Variants in CAMTA1 observed in about 807,000 individuals in gnomAD.
CAMTA1 encodes the protein calmodulin-binding transcription activator 1.
In CAMTA1, 27 loss-of-function variants were observed where a neutral mutation model predicts 170.9. That is an observed-to-expected ratio of 0.16 (90% CI 0.12 to 0.22). The LOEUF is 0.22. Among genes scored for constraint, CAMTA1 ranks in the 10% least tolerant of loss-of-function variants. CAMTA1 has a pLI of 1.00. For synonymous variants in CAMTA1, 833 were observed against 891.5 expected (o/e 0.93, Z 1.17); for missense variants, 1,619 against 2,217.2 (o/e 0.73, Z 5.42).
At chr1:7,232,003 G>C (rs1165345268) in intron 4 of CAMTA1, among the ~76,000 whole-genome samples, 1 of 152,242 alleles carries the variant, frequency 6.6e-6, no homozygotes, top group Non-Finnish European at 1.5e-5. Context: ...CATGTTGGGG[G>C]TGCATGCGAT....
intron 3 of CAMTA1, among the ~76,000 whole-genome samples, chr1:7,058,941 G>A (rs1365538094): frequency 6.6e-6 from 1 of 152,056 alleles, no homozygotes; most frequent in Non-Finnish European, 1.5e-5. Context: ...GGCCATTTCT[G>A]TGGCTCTGTA....
chr1:7,343,659 A>G (rs1002154371), intron 5 of CAMTA1, among the ~76,000 whole-genome samples: 3 of 152,082 alleles, frequency 2.0e-5, no homozygotes, highest in African/African-American at 7.2e-5. Flanking sequence ...CCACCTCCCA[A>G]AGGTCATCAC....
At chr1:7,276,303 A>ATATATATATATATATATTT in intron 5 of CAMTA1, among the ~76,000 whole-genome samples, 3 of 24,228 alleles carry the variant, frequency 1.2e-4, no homozygotes, top group Non-Finnish European at 1.8e-4. Context: ...ATATATATAT[A>ATATATATATATATATATTT]TTTTTTTTTT....
intron 3 of CAMTA1, among the ~76,000 whole-genome samples, chr1:6,899,593 C>G (rs1423583056): frequency 1.3e-5 from 2 of 148,188 alleles, no homozygotes; most frequent in Admixed American, 1.3e-4. Flanking sequence ...CACACACACA[C>G]AGAGTTTCAC....
intron 11 of CAMTA1, among the ~76,000 whole-genome samples, chr1:7,697,577 T>C: frequency 6.6e-6 from 1 of 152,190 alleles, no homozygotes; most frequent in East Asian, 1.9e-4. Flanking sequence ...AGCTGTGTAT[T>C]TTAACATCCA....
At chr1:7,636,132 T>C (rs556666181) in intron 6 of CAMTA1, among the ~76,000 whole-genome samples, 1 of 152,312 alleles carries the variant, frequency 6.6e-6, no homozygotes, top group African/African-American at 2.4e-5. Flanking sequence ...AGGCCCAGCA[T>C]GGAGGCTCCC....
intron 5 of CAMTA1, among the ~76,000 whole-genome samples, chr1:7,415,893 G>A (rs2091130906): frequency 1.3e-5 from 2 of 152,306 alleles, no homozygotes; most frequent in African/African-American, 4.8e-5. Flanking sequence ...TGCAGTGGCT[G>A]GTACTGGTTG....
chr1:7,420,440 G>A (rs1361351942), intron 5 of CAMTA1, among the ~76,000 whole-genome samples: 2 of 152,120 alleles, frequency 1.3e-5, no homozygotes, highest in African/African-American at 2.4e-5. Context: ...GGCCACATGT[G>A]TTTGCTGCTG....
intron 6 of CAMTA1, among the ~76,000 whole-genome samples, chr1:7,494,165 A>G (rs1398939216): frequency 2.1e-5 from 3 of 146,266 alleles, no homozygotes; most frequent in African/African-American, 7.9e-5. Context: ...AAAAAAAAAA[A>G]ATGTAACTCA....
chr1:6,857,567 G>A (rs986784732), intron 3 of CAMTA1, among the ~76,000 whole-genome samples: 1 of 152,184 alleles, frequency 6.6e-6, no homozygotes, highest in Admixed American at 6.5e-5. Flanking sequence ...AGGCAAGGTA[G>A]GGTCGGGCTG....
At chr1:7,385,776 C>G (rs2087888060) in intron 5 of CAMTA1, among the ~76,000 whole-genome samples, 1 of 152,258 alleles carries the variant, frequency 6.6e-6, no homozygotes. Context: ...AAGCTCAGCT[C>G]TCACCACCCA....
chr1:7,587,054 G>A (rs2095316100), intron 6 of CAMTA1, among the ~76,000 whole-genome samples: 1 of 151,864 alleles, frequency 6.6e-6, no homozygotes, highest in South Asian at 2.1e-4. Flanking sequence ...CCCCCAGAAG[G>A]GGAGGGGTTT....
At chr1:7,431,963 G>A (rs1230278471) in intron 5 of CAMTA1, among the ~76,000 whole-genome samples, 1 of 152,196 alleles carries the variant, frequency 6.6e-6, no homozygotes, top group Non-Finnish European at 1.5e-5. Flanking sequence ...CGAAGGCAGC[G>A]ACTGTAATGC....
intron 6 of CAMTA1, among the ~76,000 whole-genome samples, chr1:7,616,068 G>GT (rs943620245): frequency 2.6e-5 from 4 of 152,252 alleles, no homozygotes; most frequent in Non-Finnish European, 5.9e-5. Flanking sequence ...TTAAAAGGAT[G>GT]TTTTTCCTCC....
At chr1:7,302,168 G>T (rs1411023070) in intron 5 of CAMTA1, among the ~76,000 whole-genome samples, 2 of 58,232 alleles carry the variant, frequency 3.4e-5, no homozygotes, top group East Asian at 5.3e-4. Context: ...TGGTGGGGGT[G>T]GGGGGTCTCT....
chr1:7,760,520 GAAGT>G (rs1396914017), intron 22 of CAMTA1, among the ~76,000 whole-genome samples: 1 of 152,232 alleles, frequency 6.6e-6, no homozygotes, highest in Non-Finnish European at 1.5e-5. Flanking sequence ...GTGTTCATGA[GAAGT>G]AAGACGTGAA....
chr1:7,387,768 A>G (rs2088179986), intron 5 of CAMTA1, among the ~76,000 whole-genome samples: 1 of 152,226 alleles, frequency 6.6e-6, no homozygotes, highest in African/African-American at 2.4e-5. Context: ...TCTTGGAATG[A>G]AAAATACTCT....
Position 7,767,903 on chromosome 1 carries a change from TA to T in CAMTA1, c.*1422del, listed in dbSNP as rs138837104. 2.8e-4 allele frequency: 41 copies of T among 147,444 alleles called. No homozygotes were observed. Among genetic ancestry groups the T allele is most frequent in the African/African-American group, 4.3e-4 (17 of 39,990 alleles). 9.1% of individuals were successfully genotyped at this position (147,444 alleles called of 1,614,324 possible). On this transcript the variant is annotated 3_prime_UTR_variant, in exon 23 of 23. Coordinates refer to ENST00000303635, the MANE Select transcript of CAMTA1 (RefSeq NM_015215.4). ...GGAAAAAAGGCAGAGTAACATTACT[TA>T]AAAAAAAAAGGATATGTTTACATTT...
At position 6,971,079 on chromosome 1, in the gene CAMTA1, C is replaced by T. The variant is rs1191602908; in HGVS notation, c.235-120225C>T. Among the ~76,000 whole-genome samples, 1 of 152,236 alleles carries T rather than the reference C, an allele frequency of 6.6e-6. No homozygotes were observed. The highest frequency in any genetic ancestry group is 1.9e-4 in the East Asian group (1 of 5,194). On this transcript the variant is annotated intron_variant, in intron 3 of 22. Coordinates refer to ENST00000303635, the MANE Select transcript of CAMTA1 (RefSeq NM_015215.4). This position sits in a 1 kb window ranked among gnomAD's most constrained non-coding sequence, Gnocchi z 4.6. The stretch of plus-strand genomic sequence containing the variant: ...TTTCCAAAGGGGCTTGGCTTTCTGT[C>T]ACCCAGCAGCCAGCTCCATTGTGGT...
Sources: allele counts gnomAD v4.1 joint callset (sites outside exome capture counted in the v4.1 genomes callset), GRCh38; gene constraint gnomAD v4.1.1; non-coding constraint Gnocchi (gnomAD v3.1); transcripts MANE v1.5; gene names NCBI Gene and HGNC (gene_info 2026-07-23, HGNC 2026-07-21).